FRY: variants seen among roughly 807,000 people sequenced by gnomAD.
FRY encodes the protein protein furry homolog.
In FRY, 128 loss-of-function variants were observed where a neutral mutation model predicts 348.4. The ratio of observed to expected loss-of-function variants is 0.37; its 90% CI spans 0.32 to 0.43. FRY has a LOEUF of 0.43. FRY is among the 20% of genes least tolerant of loss of function. The probability of loss-of-function intolerance (pLI) is 1.00; values close to 1 mark genes in which losing one functional copy is unlikely to be tolerated. For synonymous variants in FRY, 1,370 were observed against 1,374.7 expected (o/e 1.00, Z 0.08); for missense variants, 2,736 against 3,695.2 (o/e 0.74, Z 6.73).
At chr13:32,106,199 G>T (rs1256591191) in intron 3 of FRY, among the ~76,000 whole-genome samples, 2 of 147,524 alleles carry the variant, frequency 1.4e-5, no homozygotes, top group African/African-American at 4.9e-5. Context: ...ATATCTATAG[G>T]ATATATAACA....
chr13:32,289,376 G>A (rs1889222309), intron 58 of FRY, among the ~76,000 whole-genome samples: 1 of 152,054 alleles, frequency 6.6e-6, no homozygotes, highest in Non-Finnish European at 1.5e-5. Flanking sequence ...TGGAAATTTG[G>A]TTGTTCACTC....
intron 52 of FRY, 122 bp from the exon 53 acceptor site, chr13:32,262,192 A>G (rs1425857949): frequency 1.3e-6 from 1 of 773,478 alleles, no homozygotes; most frequent in African/African-American, 1.7e-5. Flanking sequence ...TTTAAGGCCC[A>G]ATAATGGTGA....
At chr13:32,245,886 TTGA>T (rs1475076389) in intron 47 of FRY, among the ~76,000 whole-genome samples, 10 of 152,248 alleles carry the variant, frequency 6.6e-5, no homozygotes, top group African/African-American at 2.4e-4. Context: ...TGGAAGCTCA[TTGA>T]TGAAGATATA....
chr13:32,230,982 T>C (rs1453310144), intron 40 of FRY, among the ~76,000 whole-genome samples, 197 bp from the exon 41 acceptor site: 1 of 152,232 alleles, frequency 6.6e-6, no homozygotes, highest in Non-Finnish European at 1.5e-5. Flanking sequence ...GTTCATGTCC[T>C]TTGCCCACTT....
At chr13:32,080,056 A>G (rs997975697) in intron 2 of FRY, among the ~76,000 whole-genome samples, 1 of 152,268 alleles carries the variant, frequency 6.6e-6, no homozygotes, top group African/African-American at 2.4e-5. Context: ...TCAGAATTCA[A>G]GAATGTTTGT....
intron 7 of FRY, among the ~76,000 whole-genome samples, chr13:32,130,102 C>T (rs1349063562): frequency 6.7e-6 from 1 of 149,728 alleles, no homozygotes; most frequent in Non-Finnish European, 1.5e-5. Flanking sequence ...ACTCTATCAC[C>T]CAGGCTAGAG....
chr13:32,154,973 T>G (rs547615509), intron 14 of FRY, among the ~76,000 whole-genome samples: 1 of 152,210 alleles, frequency 6.6e-6, no homozygotes, highest in African/African-American at 2.4e-5. Flanking sequence ...TCTGTGGCAT[T>G]GAATTTTTAA....
intron 1 of FRY, among the ~76,000 whole-genome samples, chr13:32,069,561 G>C (rs1185975199): frequency 6.6e-6 from 1 of 152,108 alleles, no homozygotes; most frequent in Non-Finnish European, 1.5e-5. Flanking sequence ...ATGAGGAATG[G>C]ATACAGAAAC....
At chr13:32,179,919 G>T (rs970033234) in intron 23 of FRY, 120 bp downstream of exon 23, 2 of 941,056 alleles carry the variant, frequency 2.1e-6, no homozygotes, top group African/African-American at 3.2e-5. Context: ...TAGGCTTTGT[G>T]TGACTTCCCA....
At chr13:32,142,856 A>G (rs753609766) in intron 11 of FRY, among the ~76,000 whole-genome samples, 2 of 152,204 alleles carry the variant, frequency 1.3e-5, no homozygotes, top group African/African-American at 4.8e-5. Context: ...AATGCCTGGA[A>G]CTCACTGTCT....
At position 32,234,914 on chromosome 13, in the gene FRY, A is replaced by G. The variant is rs149732313; in HGVS notation, c.5715+153A>G. ...TTCAATTTTAGAGGTTGACTTTTAT[A>G]TTTACAAAAATTATTCCAAGGAGCC... On this transcript the variant is annotated intron_variant, in intron 42 of 60. Transcript: ENST00000542859. 4.1e-3 allele frequency among the ~76,000 whole-genome samples: 632 copies of G among 152,316 alleles called. 5 individuals are homozygous for G. The highest frequency in any genetic ancestry group is 0.03 in the South Asian group (144 of 4,826).
At chr13:32,199,121 G>A (rs946010489) in intron 29 of FRY, among the ~76,000 whole-genome samples, 1 of 152,218 alleles carries the variant, frequency 6.6e-6, no homozygotes, top group Non-Finnish European at 1.5e-5. Flanking sequence ...GAGAAATGAA[G>A]GAATTAGGAC....
chr13:32,124,751 C>G, intron 6 of FRY, 44 bp from the exon 7 acceptor site: 1 of 1,545,088 alleles, frequency 6.5e-7, no homozygotes, highest in Non-Finnish European at 9.0e-7. Context: ...TGCTTTTTTC[C>G]GATGACCAGG....
At position 32,239,998 on chromosome 13, in the gene FRY, G is replaced by A; in HGVS notation, c.6687+117G>A. ...CGCCTCCCAGAGTGCTAGGATTACA[G>A]GCGTGGGCCACCATTCCCTGCCAGA... On this transcript the variant is annotated intron_variant, in intron 46 of 60. Coordinates refer to ENST00000542859, the MANE Select transcript of FRY (RefSeq NM_023037.3). This position sits in a 1 kb window ranked among gnomAD's most constrained non-coding sequence, Gnocchi z 4.3. 1 of 794,478 alleles carries A rather than the reference G, an allele frequency of 1.3e-6. No homozygotes were observed. Among genetic ancestry groups the A allele is most frequent in the Non-Finnish European group, 2.0e-6 (1 of 490,592 alleles). 49.2% of individuals were successfully genotyped at this position (794,478 alleles called of 1,614,324 possible).
intron 8 of FRY, among the ~76,000 whole-genome samples, chr13:32,133,459 T>G (rs9594994): frequency 0.21 from 32,685 of 152,128 alleles, 3,719 homozygotes; most frequent in Middle Eastern, 0.28. Context: ...AATAATTCCT[T>G]TATCTATATA....
chr13:32,160,025 C>T (rs1566103599), intron 16 of FRY, among the ~76,000 whole-genome samples: 1 of 152,098 alleles, frequency 6.6e-6, no homozygotes, highest in African/African-American at 2.4e-5. Context: ...TGGAAGACAA[C>T]ATATTATGTG....
intron 7 of FRY, among the ~76,000 whole-genome samples, chr13:32,130,452 T>TTGTG (rs58000380): frequency 0.34 from 48,538 of 141,806 alleles, 8,206 homozygotes; most frequent in South Asian, 0.44. Context: ...TGGAAAGTGT[T>TTGTG]TGTGTGTGTG....
chr13:32,063,151 G>A (rs997147510), intron 1 of FRY, among the ~76,000 whole-genome samples: 1 of 152,108 alleles, frequency 6.6e-6, no homozygotes, highest in Non-Finnish European at 1.5e-5. Flanking sequence ...TTTAATTTGC[G>A]ATGTTTATTT....
chr13:32,123,032 A>T, intron 4 of FRY, among the ~76,000 whole-genome samples: 1 of 152,232 alleles, frequency 6.6e-6, no homozygotes, highest in East Asian at 1.9e-4. Context: ...TGCTGAAAGA[A>T]ATCACAGACA....
Sources: gnomAD v4.1 joint callset for allele counts (sites outside exome capture counted in the v4.1 genomes callset) on GRCh38, gnomAD v4.1.1 for gene constraint, Gnocchi (gnomAD v3.1) non-coding constraint, MANE v1.5 for transcripts, NCBI Gene and HGNC (gene_info 2026-07-23, HGNC 2026-07-21) for gene names.